Variants in ATAD2B observed in about 807,000 individuals in gnomAD.
ATAD2B encodes ATPase family AAA domain containing 2B.
In ATAD2B, 40 loss-of-function variants were observed where a neutral mutation model predicts 167.6. The observed-to-expected ratio is 0.24, with a 90% CI of 0.19 to 0.31. The LOEUF is 0.31. Ranked by LOEUF, ATAD2B falls within the 10% of genes least tolerant of loss-of-function variation. ATAD2B has a pLI of 1.00. For missense variants in ATAD2B, 1,242 were observed against 1,757.2 expected (o/e 0.71, Z 5.24); for synonymous variants, 579 against 596.5 (o/e 0.97, Z 0.43).
chr2:23,880,566 A>G (rs1697731004), intron 7 of ATAD2B, 73 bp downstream of exon 7: 1 of 860,756 alleles, frequency 1.2e-6, no homozygotes, highest in Admixed American at 2.7e-5. Context: ...CTGTCTCAAA[A>G]AAAAAAAAAA....
At chr2:23,775,949 C>G (rs896694109) in intron 22 of ATAD2B, among the ~76,000 whole-genome samples, 5 of 151,910 alleles carry the variant, frequency 3.3e-5, no homozygotes, top group Non-Finnish European at 7.4e-5. Flanking sequence ...AACCCCATCT[C>G]TATTAAAAAT....
chr2:23,777,351 T>C (rs1679305175), intron 22 of ATAD2B, among the ~76,000 whole-genome samples: 1 of 148,294 alleles, frequency 6.7e-6, no homozygotes, highest in Non-Finnish European at 1.5e-5. Flanking sequence ...AATACTGATA[T>C]ATCTATATCT....
intron 20 of ATAD2B, among the ~76,000 whole-genome samples, chr2:23,787,529 C>CA (rs931094285): frequency 7.9e-5 from 12 of 151,878 alleles, no homozygotes; most frequent in Admixed American, 7.9e-4. Context: ...ACCATAACTA[C>CA]AGCAATTTGA....
At chr2:23,715,673 G>A in the ATAD2B span, among the ~76,000 whole-genome samples, 1 of 152,124 alleles carries the variant, frequency 6.6e-6, no homozygotes, top group Non-Finnish European at 1.5e-5. Context: ...TCCAATTCTA[G>A]CCATAAAATC....
intron 7 of ATAD2B, among the ~76,000 whole-genome samples, chr2:23,880,407 C>G (rs1210042659): frequency 6.6e-6 from 1 of 151,764 alleles, no homozygotes; most frequent in Non-Finnish European, 1.5e-5. Context: ...CCAGGATGGT[C>G]TCGAGCTCCT....
At chr2:23,771,014 T>G (rs182485619) in intron 22 of ATAD2B, among the ~76,000 whole-genome samples, 1 of 152,286 alleles carries the variant, frequency 6.6e-6, no homozygotes, top group East Asian at 1.9e-4. Flanking sequence ...CTCACTAATA[T>G]TTTATAGTTT....
chr2:23,909,788 TTAAG>T (rs1260333554), intron 1 of ATAD2B, among the ~76,000 whole-genome samples: 1 of 152,160 alleles, frequency 6.6e-6, no homozygotes, highest in African/African-American at 2.4e-5. Flanking sequence ...TTCATACTTT[TTAAG>T]TAAGAATAAA....
At chr2:23,828,826 A>C (rs754160586) in intron 15 of ATAD2B, 23 bp downstream of exon 15, 11 of 1,523,762 alleles carry the variant, frequency 7.2e-6, no homozygotes, top group Non-Finnish European at 1.0e-5. Context: ...TGACAATCAA[A>C]AAATTCAAAC....
intron 7 of ATAD2B, among the ~76,000 whole-genome samples, chr2:23,878,832 T>C (rs1210425368): frequency 1.3e-5 from 2 of 151,954 alleles, no homozygotes; most frequent in East Asian, 3.9e-4. Context: ...AACTCAATAA[T>C]AAGAAAACAA....
intron 14 of ATAD2B, among the ~76,000 whole-genome samples, 161 bp from the exon 15 acceptor site, chr2:23,829,100 C>T (rs962991145): frequency 6.6e-6 from 1 of 152,206 alleles, no homozygotes; most frequent in African/African-American, 2.4e-5. Flanking sequence ...CATCTGTCTA[C>T]ATCAACTCTG....
At chr2:23,904,030 T>C (rs907648719) in intron 1 of ATAD2B, among the ~76,000 whole-genome samples, 12 of 151,842 alleles carry the variant, frequency 7.9e-5, no homozygotes, top group African/African-American at 2.7e-4. Context: ...TGAATTAAAA[T>C]TGGAAAGTTA....
At chr2:23,836,910 GCAC>G (rs1423997025) in intron 13 of ATAD2B, among the ~76,000 whole-genome samples, 1 of 152,118 alleles carries the variant, frequency 6.6e-6, no homozygotes, top group Non-Finnish European at 1.5e-5. Flanking sequence ...CCCAGAAAAA[GCAC>G]CACAAGTTCC....
intron 25 of ATAD2B, 32 bp from the exon 26 acceptor site, chr2:23,754,806 A>T: frequency 6.3e-7 from 1 of 1,594,186 alleles, no homozygotes; most frequent in Non-Finnish European, 8.5e-7. Context: ...ACACTGCAGC[A>T]AGTAAAAGTT....
intron 2 of ATAD2B, among the ~76,000 whole-genome samples, chr2:23,894,896 C>G (rs756280580): frequency 7.2e-5 from 11 of 152,128 alleles, no homozygotes; most frequent in Non-Finnish European, 1.5e-4. Context: ...TCTTATGGAG[C>G]ATATTTTAGT....
intron 18 of ATAD2B, among the ~76,000 whole-genome samples, chr2:23,808,179 TTA>T (rs1156767470): frequency 1.3e-3 from 168 of 133,434 alleles, no homozygotes; most frequent in African/African-American, 3.9e-3. Context: ...TGATATATAT[TTA>T]TATATATATT....
the ATAD2B span, chr2:23,691,389 G>A: frequency 2.1e-6 from 1 of 474,104 alleles, no homozygotes; most frequent in Non-Finnish European, 3.9e-6. Context: ...GCCAGTCCTG[G>A]TCCTCGTCCC....
At chr2:23,685,504 T>TG in the ATAD2B span, 4 of 152,300 alleles carry the variant, frequency 2.6e-5, no homozygotes, top group African/African-American at 9.6e-5. Context: ...TGTTTGGACT[T>TG]GCCAACTAAC....
intron 25 of ATAD2B, among the ~76,000 whole-genome samples, chr2:23,756,547 C>G (rs575569337): frequency 6.6e-6 from 1 of 152,274 alleles, no homozygotes; most frequent in South Asian, 2.1e-4. Flanking sequence ...TAGATATCAA[C>G]TCATCCCAGA....
chr2:23,878,033 A>AAAAAAAAAAAG (rs1697268222), intron 7 of ATAD2B, among the ~76,000 whole-genome samples: 2 of 147,494 alleles, frequency 1.4e-5, no homozygotes, highest in Non-Finnish European at 1.5e-5. Context: ...AAAAAAAAAA[A>AAAAAAAAAAAG]AAAAAAGCAA....
Sources: gnomAD v4.1 joint callset for allele counts (sites outside exome capture counted in the v4.1 genomes callset) on GRCh38, gnomAD v4.1.1 for gene constraint, MANE v1.5 for transcripts, NCBI Gene and HGNC (gene_info 2026-07-23, HGNC 2026-07-21) for gene names.